The following CENPP variants were observed in gnomAD, a reference collection of about 807,000 sequenced individuals.
CENPP encodes the protein centromere protein P.
CENPP carries 24 observed loss-of-function variants against 35.6 expected under a neutral mutation model. The ratio of observed to expected loss-of-function variants is 0.67; its 90% confidence interval spans 0.49 to 0.95. The LOEUF is 0.95. CENPP is among the 40% of genes least tolerant of loss of function. The pLI, the probability that CENPP is intolerant of heterozygous loss-of-function variation, is 0.00. For missense variants in CENPP, 332 were observed against 345.3 expected, an observed-to-expected ratio of 0.96 and a Z score of 0.31; for synonymous variants, 120 against 125.5, an observed-to-expected ratio of 0.96 and a Z score of 0.29.
At chr9:92,589,697 T>C (rs542615264) in intron 5 of CENPP, among the ~76,000 whole-genome samples, 1 of 152,362 alleles carries the variant, frequency 6.6e-6, no homozygotes, top group East Asian at 1.9e-4. Context: ...GTGAAGTGAT[T>C]CTCTTATGCG....
chr9:92,429,768 C>T (rs542487501), intron 5 of CENPP, among the ~76,000 whole-genome samples: 264 of 150,530 alleles, frequency 1.8e-3, no homozygotes, highest in Non-Finnish European at 3.3e-3. Context: ...ACCTGGGTGA[C>T]AAGAACGAAA....
intron 5 of CENPP, among the ~76,000 whole-genome samples, chr9:92,545,192 C>T (rs1348027637): frequency 1.3e-5 from 2 of 152,028 alleles, no homozygotes; most frequent in Non-Finnish European, 2.9e-5. Context: ...GAGCTCCTTC[C>T]TGGGATGGCC....
At chr9:92,428,812 T>C (rs548062043) in intron 5 of CENPP, among the ~76,000 whole-genome samples, 39 of 152,174 alleles carry the variant, frequency 2.6e-4, no homozygotes, top group Non-Finnish European at 3.7e-4. Flanking sequence ...CTTGGCCTAC[T>C]ACTTGCCCAT....
At chr9:92,545,141 G>A (rs963389704) in intron 5 of CENPP, among the ~76,000 whole-genome samples, 4 of 152,206 alleles carry the variant, frequency 2.6e-5, no homozygotes, top group African/African-American at 4.8e-5. Context: ...CGCCCACTCT[G>A]GCCGTGCTTG....
At chr9:92,360,208 G>A (rs376020458) in intron 4 of CENPP, among the ~76,000 whole-genome samples, 21 of 152,118 alleles carry the variant, frequency 1.4e-4, no homozygotes, top group African/African-American at 4.8e-4. Flanking sequence ...TATAACATAC[G>A]TAACCTAACT....
In CENPP at chr9:92,514,865, CCT is replaced by C; in HGVS notation, c.565-96447_565-96446del. ...CCCTCCTCACCCTCCTCCTCCTCAT[CCT>C]CCTCCTCCTCCCTTCCTTGGCGTTG... On this transcript the variant is annotated intron_variant, in intron 5 of 7. Coordinates refer to ENST00000375587, the MANE Select transcript of CENPP (RefSeq NM_001012267.3). The C allele has an allele frequency of 1.9e-6, 3 of 1,604,576 alleles. No homozygotes were observed. The South Asian group carries it at 3.3e-5, about 18-fold the overall frequency.
chr9:92,441,496 C>T (rs2131003506), intron 5 of CENPP, among the ~76,000 whole-genome samples: 1 of 152,274 alleles, frequency 6.6e-6, no homozygotes, highest in East Asian at 1.9e-4. Flanking sequence ...CAGTGGCTCA[C>T]ACCTGTAATC....
intron 5 of CENPP, among the ~76,000 whole-genome samples, chr9:92,589,211 C>T (rs1051616685): frequency 2.1e-4 from 32 of 151,540 alleles, no homozygotes; most frequent in African/African-American, 6.8e-4. Flanking sequence ...TGGTAATGCA[C>T]ACCTGTAGTC....
chr9:92,561,644 C>A (rs1283783851), intron 5 of CENPP, among the ~76,000 whole-genome samples: 1 of 152,182 alleles, frequency 6.6e-6, no homozygotes, highest in Non-Finnish European at 1.5e-5. Flanking sequence ...GGTGTACATT[C>A]AAAGCTTATG....
chr9:92,409,688 G>A (rs1564305610), intron 5 of CENPP, among the ~76,000 whole-genome samples: 1 of 152,078 alleles, frequency 6.6e-6, no homozygotes, highest in Non-Finnish European at 1.5e-5. Flanking sequence ...GTGCAACTTG[G>A]ACTTATTTGT....
intron 5 of CENPP, among the ~76,000 whole-genome samples, chr9:92,554,710 T>A (rs542747206): frequency 1.3e-3 from 203 of 152,276 alleles, no homozygotes; most frequent in African/African-American, 4.6e-3. Flanking sequence ...CAATCTCGGT[T>A]TACTGCAACC....
At chr9:92,600,291 A>C (rs1850877360) in intron 5 of CENPP, 10 of 1,467,416 alleles carry the variant, frequency 6.8e-6, no homozygotes, top group Non-Finnish European at 9.0e-6. Flanking sequence ...CTTCCTGTCC[A>C]TACAGGCCCA....
chr9:92,462,551 G>A (rs1402497216), intron 5 of CENPP, among the ~76,000 whole-genome samples: 4 of 152,060 alleles, frequency 2.6e-5, no homozygotes, highest in Non-Finnish European at 1.5e-5. Flanking sequence ...TTCAAGTCTT[G>A]ATGAAATATT....
chr9:92,448,654 A>G (rs1844615878), intron 5 of CENPP, among the ~76,000 whole-genome samples: 1 of 152,052 alleles, frequency 6.6e-6, no homozygotes, highest in African/African-American at 2.4e-5. Context: ...GGATGGGGCC[A>G]CAGGAATGGG....
intron 4 of CENPP, among the ~76,000 whole-genome samples, chr9:92,356,914 C>T (rs1482563545): frequency 1.3e-5 from 2 of 152,160 alleles, no homozygotes; most frequent in Non-Finnish European, 2.9e-5. Flanking sequence ...ACAACAGTCC[C>T]CAGCCTTTTG....
At chr9:92,373,697 G>A (rs939110074) in intron 4 of CENPP, among the ~76,000 whole-genome samples, 9 of 152,144 alleles carry the variant, frequency 5.9e-5, no homozygotes, top group East Asian at 1.9e-4. Context: ...GTGGTGGTGC[G>A]TGCCTGTACT....
chr9:92,515,870 T>G (rs979074035), intron 5 of CENPP, among the ~76,000 whole-genome samples: 4 of 152,184 alleles, frequency 2.6e-5, no homozygotes, highest in African/African-American at 9.6e-5. Context: ...TTGCTTTAAC[T>G]TAGACATATG....
intron 1 of CENPP, among the ~76,000 whole-genome samples, chr9:92,330,206 G>C (rs868818557): frequency 2.0e-5 from 3 of 152,180 alleles, no homozygotes; most frequent in African/African-American, 7.2e-5. Context: ...CCAAGGTATA[G>C]AGCCTGACAT....
chr9:92,514,378 G>A (rs1450004588), intron 5 of CENPP, among the ~76,000 whole-genome samples: 1 of 150,468 alleles, frequency 6.6e-6, no homozygotes, highest in East Asian at 2.0e-4. Flanking sequence ...GGATTCAAAC[G>A]ATTCTCCTGC....
Sources: gnomAD v4.1 joint callset for allele counts (sites outside exome capture counted in the v4.1 genomes callset) on GRCh38, gnomAD v4.1.1 for gene constraint, MANE v1.5 for transcripts, NCBI Gene and HGNC (gene_info 2026-07-23, HGNC 2026-07-21) for gene names.